The following UBE2F variants were observed in gnomAD, a reference collection of about 807,000 sequenced individuals.
UBE2F encodes ubiquitin conjugating enzyme E2 F (putative).
UBE2F carries 5 observed loss-of-function variants against 29.6 expected under a neutral mutation model. That is an observed-to-expected ratio of 0.17 (90% CI 0.09 to 0.36). The LOEUF (loss-of-function observed/expected upper bound fraction) is 0.36, where lower values mean the gene tolerates loss of function less well. UBE2F is among the 10% of genes least tolerant of loss of function. The probability of loss-of-function intolerance (pLI) is 1.00; values close to 1 mark genes in which losing one functional copy is unlikely to be tolerated. For synonymous variants in UBE2F, 66 were observed against 81.8 expected, an observed-to-expected ratio of 0.81 and a Z score of 1.04; for missense variants, 141 against 228.5, an observed-to-expected ratio of 0.62 and a Z score of 2.47.
intron 8 of UBE2F, 153 bp downstream of exon 8, chr2:238,032,407 G>A (rs568402100): frequency 1.7e-5 from 11 of 637,888 alleles, no homozygotes; most frequent in Middle Eastern, 4.3e-4. Flanking sequence ...TAGCACTTTG[G>A]GTGGATCCCC....
At chr2:238,041,196 C>A in intron 9 of UBE2F, 92 bp from the exon 10 acceptor site, 2 of 1,258,974 alleles carry the variant, frequency 1.6e-6, no homozygotes, top group Non-Finnish European at 2.3e-6. Context: ...GACCTTGGTG[C>A]TGGTGGATCT....
At chr2:237,993,005 T>C (rs77094380) in intron 3 of UBE2F, among the ~76,000 whole-genome samples, 2 of 151,810 alleles carry the variant, frequency 1.3e-5, no homozygotes, top group South Asian at 4.2e-4. Flanking sequence ...TTTTTTTTTT[T>C]CAGATGGAGT....
At chr2:237,990,403 CTTT>C (rs759256844) in intron 3 of UBE2F, 323 of 421,500 alleles carry the variant, frequency 7.7e-4, no homozygotes, top group Middle Eastern at 2.1e-3. Context: ...ACATGTAAAC[CTTT>C]TTTTTTTTTT....
At chr2:237,993,114 A>C (rs2063622772) in intron 3 of UBE2F, among the ~76,000 whole-genome samples, 1 of 151,996 alleles carries the variant, frequency 6.6e-6, no homozygotes, top group South Asian at 2.1e-4. Context: ...CAGCCTCCCA[A>C]GTAGCTGGGA....
intron 7 of UBE2F, 73 bp from the exon 8 acceptor site, chr2:238,032,149 T>A: frequency 8.2e-7 from 1 of 1,226,696 alleles, no homozygotes; most frequent in South Asian, 1.2e-5. Flanking sequence ...AAAGCATATT[T>A]CTTGATCATG....
At chr2:238,002,548 A>G (rs1041270841) in intron 4 of UBE2F, among the ~76,000 whole-genome samples, 4 of 150,004 alleles carry the variant, frequency 2.7e-5, no homozygotes, top group African/African-American at 9.8e-5. Context: ...GAATATTCCA[A>G]TTTTTGAGCA....
intron 2 of UBE2F, 94 bp downstream of exon 2, chr2:237,973,319 A>G: frequency 1.8e-5 from 24 of 1,355,002 alleles, no homozygotes; most frequent in Non-Finnish European, 2.3e-5. Context: ...CTACTGCTGA[A>G]TAGAAATACC....
At chr2:237,977,440 T>C (rs532017492) in intron 2 of UBE2F, among the ~76,000 whole-genome samples, 25 of 152,184 alleles carry the variant, frequency 1.6e-4, no homozygotes, top group African/African-American at 6.0e-4. Context: ...TTTGGGCTTG[T>C]GGTGGAGTTT....
intron 4 of UBE2F, among the ~76,000 whole-genome samples, chr2:237,997,306 G>A (rs1280126933): frequency 2.0e-5 from 3 of 152,168 alleles, no homozygotes; most frequent in Non-Finnish European, 2.9e-5. Context: ...TTTTTAATAA[G>A]TGTACTTCAG....
chr2:237,984,823 A>G (rs1191086923), intron 2 of UBE2F, among the ~76,000 whole-genome samples: 1 of 152,158 alleles, frequency 6.6e-6, no homozygotes, highest in Non-Finnish European at 1.5e-5. Context: ...TTTGTTGCCC[A>G]GGCTGGAGCA....
At chr2:238,008,028 A>G (rs571653651) in intron 4 of UBE2F, among the ~76,000 whole-genome samples, 17 of 152,192 alleles carry the variant, frequency 1.1e-4, no homozygotes, top group African/African-American at 4.1e-4. Context: ...ATCACGCCTC[A>G]CTGCAGCCTC....
In UBE2F at chr2:238,016,723, C is replaced by G. The variant is rs1279682467; in HGVS notation, c.282+90C>G. 3 of 1,081,738 alleles carry G rather than the reference C, an allele frequency of 2.8e-6. No homozygotes were observed. In the African/African-American group the frequency reaches 4.7e-5, roughly 17 times the overall value. The allele number at this position is 1,081,738 out of a possible 1,614,324, so 67.0% of individuals were successfully genotyped here. A position where few individuals can be genotyped will look rare whatever the true frequency, so the allele number is the denominator to read the frequency against. ...GCCACTGGCACAGGGCCCTAGCACTCCCCTCTGCGTGTGTCCATGTGTGAC... is the reference window on the plus strand; with the variant it reads ...GCCACTGGCACAGGGCCCTAGCACTGCCCTCTGCGTGTGTCCATGTGTGAC... On this transcript the variant is annotated intron_variant, in intron 5 of 9. Coordinates refer to ENST00000272930, the MANE Select transcript of UBE2F (RefSeq NM_080678.3).
chr2:238,027,774 GT>G (rs1240153957), intron 6 of UBE2F, among the ~76,000 whole-genome samples: 3 of 152,240 alleles, frequency 2.0e-5, no homozygotes, highest in Non-Finnish European at 4.4e-5. Context: ...CTGGTTTGTG[GT>G]GACGCTGACA....
At position 238,042,035 on chromosome 2, in the gene UBE2F, C is replaced by T. The variant is rs2106423203; in HGVS notation, c.*697C>T. On this transcript the variant is annotated 3_prime_UTR_variant, in exon 10 of 10. Transcript: ENST00000272930. ...GTCAAGCAACTATTGAAGAGAAATA[C>T]AAAGAAAATATGAAAGGCACATTAT... is the stretch of plus-strand genomic sequence containing the variant. 6.6e-6 allele frequency: 1 copy of T among 152,664 alleles called. No homozygotes were observed. Among genetic ancestry groups the T allele is most frequent in the East Asian group, 1.9e-4 (1 of 5,186 alleles). 9.5% of individuals were successfully genotyped at this position (152,664 alleles called of 1,614,324 possible).
chr2:238,009,892 G>A (rs1163458165), intron 4 of UBE2F, among the ~76,000 whole-genome samples: 3 of 152,156 alleles, frequency 2.0e-5, no homozygotes, highest in African/African-American at 7.2e-5. Flanking sequence ...TGTTTCCAGT[G>A]TAGAATATAA....
intron 4 of UBE2F, among the ~76,000 whole-genome samples, chr2:238,001,332 C>G (rs1262827887): frequency 6.6e-6 from 1 of 152,104 alleles, no homozygotes; most frequent in Admixed American, 6.5e-5. Context: ...CACACCCAGC[C>G]TGATTGTCTT....
chr2:238,018,037 C>G (rs1003878923), intron 5 of UBE2F, among the ~76,000 whole-genome samples: 3 of 152,136 alleles, frequency 2.0e-5, no homozygotes, highest in African/African-American at 4.8e-5. Context: ...GTTGGCAGCC[C>G]AAGAAATTTT....
At chr2:237,994,109 CTTTTT>C (rs34177204) in intron 3 of UBE2F, among the ~76,000 whole-genome samples, 3 of 122,362 alleles carry the variant, frequency 2.5e-5, no homozygotes, top group East Asian at 2.4e-4. Flanking sequence ...TCTTCTTCTT[CTTTTT>C]TTTTTTTTTT....
chr2:238,004,308 G>A (rs1188299242), intron 4 of UBE2F, among the ~76,000 whole-genome samples: 2 of 152,082 alleles, frequency 1.3e-5, no homozygotes, highest in African/African-American at 4.8e-5. Flanking sequence ...TGGTTACATG[G>A]TGGTATTTAA....
Sources: allele counts gnomAD v4.1 joint callset (sites outside exome capture counted in the v4.1 genomes callset), GRCh38; gene constraint gnomAD v4.1.1; transcripts MANE v1.5; gene names NCBI Gene and HGNC (gene_info 2026-07-23, HGNC 2026-07-21).